The following ASS1 variants were observed in gnomAD, a reference collection of about 807,000 sequenced individuals.
ASS1 encodes argininosuccinate synthase 1.
In ASS1, 58 loss-of-function variants were observed where a neutral mutation model predicts 60.5. That is an observed-to-expected ratio of 0.96 (90% CI 0.78 to 1.19). ASS1 has a LOEUF of 1.19. Among genes scored for constraint, ASS1 ranks in the 50% most tolerant of loss-of-function variants. The pLI, the probability that ASS1 is intolerant of heterozygous loss-of-function variation, is 0.00. For missense variants in ASS1, 454 were observed against 547.3 expected, an observed-to-expected ratio of 0.83 and a Z score of 1.70; for synonymous variants, 200 against 206.9, an observed-to-expected ratio of 0.97 and a Z score of 0.29.
chr9:130,473,052 C>T (rs1026665853), intron 8 of ASS1, among the ~76,000 whole-genome samples: 10 of 152,154 alleles, frequency 6.6e-5, no homozygotes, highest in Admixed American at 2.0e-4. Context: ...GCAGGTCCTG[C>T]GCCCTCCCAG....
At chr9:130,452,869 C>T (rs1029737612) in intron 2 of ASS1, among the ~76,000 whole-genome samples, 1 of 152,232 alleles carries the variant, frequency 6.6e-6, no homozygotes. Flanking sequence ...AGCTCCTCTT[C>T]GACTGAACCT....
chr9:130,467,604 G>A (rs1361830417), intron 6 of ASS1, among the ~76,000 whole-genome samples: 1 of 152,198 alleles, frequency 6.6e-6, no homozygotes, highest in Admixed American at 6.5e-5. Context: ...GACCTGGAGT[G>A]CTGGGAGGGA....
chr9:130,488,563 TC>T lies in ASS1; in HGVS notation c.839-769del, dbSNP rs1169543446. On this transcript the variant is annotated intron_variant, in intron 11 of 14. Coordinates refer to ENST00000352480, the MANE Select transcript of ASS1 (RefSeq NM_054012.4). This position sits in a 1 kb window ranked among gnomAD's most constrained non-coding sequence, Gnocchi z 5.2. ...CAGGCATTTCTGTCTCACTCGGAGA[TC>T]ATCTGTTCCAAGCAGGTTGTTTTCC... Among the ~76,000 whole-genome samples, 1 of 152,180 alleles carries T rather than the reference TC, an allele frequency of 6.6e-6. No homozygotes were observed. Among genetic ancestry groups the T allele is most frequent in the Non-Finnish European group, 1.5e-5 (1 of 68,026 alleles).
At chr9:130,458,091 G>A (rs540950282) in intron 3 of ASS1, among the ~76,000 whole-genome samples, 3 of 151,848 alleles carry the variant, frequency 2.0e-5, no homozygotes, top group East Asian at 1.9e-4. Flanking sequence ...CCTGGGAGAC[G>A]GAGGTTGCAG....
chr9:130,490,534 G>C (rs577893902), intron 12 of ASS1, among the ~76,000 whole-genome samples: 107 of 152,088 alleles, frequency 7.0e-4, no homozygotes, highest in African/African-American at 2.5e-3. Flanking sequence ...GGCTGGTCTC[G>C]AACTCCTGAT....
At chr9:130,456,683 C>T (rs565061717) in intron 3 of ASS1, among the ~76,000 whole-genome samples, 40 of 152,230 alleles carry the variant, frequency 2.6e-4, no homozygotes, top group African/African-American at 9.4e-4. Flanking sequence ...GGTGCGGTGG[C>T]TCACGCTTGT....
At chr9:130,472,323 A>G (rs984981279) in intron 8 of ASS1, among the ~76,000 whole-genome samples, 5 of 152,092 alleles carry the variant, frequency 3.3e-5, no homozygotes, top group African/African-American at 1.2e-4. Context: ...GGGGAGCGCC[A>G]GAGCCCCGCC....
At chr9:130,473,198 T>G (rs925308944) in intron 8 of ASS1, among the ~76,000 whole-genome samples, 1 of 152,196 alleles carries the variant, frequency 6.6e-6, no homozygotes, top group African/African-American at 2.4e-5. Context: ...TTCTTCTTAT[T>G]GCTGTGCAAC....
chr9:130,449,105 C>T lies in ASS1; in HGVS notation c.-5-3119C>T, dbSNP rs1460828168. 7.9e-5 allele frequency among the ~76,000 whole-genome samples: 12 copies of T among 152,072 alleles called. 1 individual carries two copies. On this transcript the variant is annotated intron_variant, in intron 1 of 14. Transcript: ENST00000352480. ...CAGCACTTTGAGAGGCTGAGGCAGG[C>T]AGATCGCTTAAGTCCAGGAGTTCGA...
In ASS1 at chr9:130,471,626, G is replaced by A. The variant is rs1466493179; in HGVS notation, c.597+111G>A. On this transcript the variant is annotated intron_variant, in intron 8 of 14. Coordinates refer to ENST00000352480, the MANE Select transcript of ASS1 (RefSeq NM_054012.4). ...CTAATTTGAAATTTCACGGGGGCCA[G>A]CCGTGGGGCTGGGGCCGAGCCCTGC... 6 of 1,368,758 alleles carry A rather than the reference G, an allele frequency of 4.4e-6. No individual in the cohort carries two copies. The South Asian group carries it at 6.0e-5, about 14-fold the overall frequency. The allele number at this position is 1,368,758 out of a possible 1,614,324, so 84.8% of individuals were successfully genotyped here. A position where few individuals can be genotyped will look rare whatever the true frequency, so the allele number is the denominator to read the frequency against.
At chr9:130,452,170 C>A in intron 1 of ASS1, 54 bp from the exon 2 acceptor site, 2 of 1,488,254 alleles carry the variant, frequency 1.3e-6, no homozygotes, top group East Asian at 2.3e-5. Flanking sequence ...CAGGGGCTGG[C>A]GGGGGGCACT....
In ASS1 at chr9:130,463,302, C is replaced by T. The variant is rs558906602; in HGVS notation, c.364-809C>T. Among the ~76,000 whole-genome samples the T allele has an allele frequency of 9.8e-5, 15 of 152,350 alleles. No individual in the cohort carries two copies. The South Asian group carries it at 1.7e-3, about 17-fold the overall frequency. ...CTCTCTGGGGACAGAGCTGGGCTGG[C>T]GGATGCCTGCGCTGACCCCGGCCTC... On this transcript the variant is annotated intron_variant, in intron 4 of 14. Coordinates refer to ENST00000352480, the MANE Select transcript of ASS1 (RefSeq NM_054012.4).
intron 8 of ASS1, among the ~76,000 whole-genome samples, chr9:130,473,376 A>C (rs1362826473): frequency 6.6e-6 from 1 of 152,138 alleles, no homozygotes; most frequent in Non-Finnish European, 1.5e-5. Flanking sequence ...GGAAGGGTCC[A>C]AGGTCCTCTC....
At position 130,465,034 on chromosome 9, in the gene ASS1, T is replaced by TTA. The variant is rs200387339; in HGVS notation, c.420+889_420+890dup. Among the ~76,000 whole-genome samples the TTA allele has an allele frequency of 3.3e-3, 462 of 139,230 alleles. 3 individuals carry two copies. The highest frequency in any genetic ancestry group is 5.0e-3 in the Non-Finnish European group (327 of 65,108). The allele number at this position is 139,230 out of a possible 152,430, so 91.3% of individuals were successfully genotyped here. The stretch of plus-strand genomic sequence containing the variant: ...TGTATTACATATAAATACATATGTT[T>TTA]TATATATATATATATATATATATTT... On this transcript the variant is annotated intron_variant, in intron 5 of 14. Coordinates refer to ENST00000352480, the MANE Select transcript of ASS1 (RefSeq NM_054012.4).
chr9:130,495,176 T>C (rs1165298974), intron 13 of ASS1, among the ~76,000 whole-genome samples, 153 bp downstream of exon 13: 1 of 152,134 alleles, frequency 6.6e-6, no homozygotes, highest in Non-Finnish European at 1.5e-5. Flanking sequence ...TATGCTCCCG[T>C]GGAACTTACA....
chr9:130,479,810 T>C lies in ASS1; in HGVS notation c.773+10T>C. The C allele has an allele frequency of 6.2e-7, 1 of 1,612,926 alleles. No individual in the cohort carries two copies. Among genetic ancestry groups the C allele is most frequent in the Non-Finnish European group, 8.5e-7 (1 of 1,178,840 alleles). On this transcript the variant is annotated intron_variant, in intron 10 of 14. Coordinates refer to ENST00000352480, the MANE Select transcript of ASS1 (RefSeq NM_054012.4). ...ACCTGAACGAAGTCGCGTGAGTGTC[T>C]GCAGCCCTGTCCGGCCTCTTGGGAA...
Position 130,489,209 on chromosome 9 carries a change from G to C in ASS1, c.839-124G>C, listed in dbSNP as rs985790178. ...AAGCTGGGAGTGAATGGGTCCGGCC[G>C]GCTTGTCTCCTGTCAGACGACTCAT... On this transcript the variant is annotated intron_variant, in intron 11 of 14. Transcript: ENST00000352480. The surrounding 1 kb of genome is among the most constrained non-coding windows in gnomAD (Gnocchi z 4.1). 1 of 1,376,458 alleles carries C rather than the reference G, an allele frequency of 7.3e-7. No individual in the cohort carries two copies. The allele number at this position is 1,376,458 out of a possible 1,614,324, so 85.3% of individuals were successfully genotyped here. A position where few individuals can be genotyped will look rare whatever the true frequency, so the allele number is the denominator to read the frequency against.
chr9:130,497,125 C>T (rs1846625402), intron 13 of ASS1, among the ~76,000 whole-genome samples: 1 of 152,194 alleles, frequency 6.6e-6, no homozygotes, highest in Admixed American at 6.5e-5. Flanking sequence ...TCTTTCTTCC[C>T]TCCCCCTCCA....
intron 14 of ASS1, among the ~76,000 whole-genome samples, chr9:130,500,337 G>A (rs542906208): frequency 7.9e-5 from 12 of 152,202 alleles, no homozygotes; most frequent in Non-Finnish European, 1.5e-4. Flanking sequence ...AACAGGCTGA[G>A]TGGTTAAGTA....
Sources: allele counts gnomAD v4.1 joint callset (sites outside exome capture counted in the v4.1 genomes callset), GRCh38; gene constraint gnomAD v4.1.1; non-coding constraint Gnocchi (gnomAD v3.1); transcripts MANE v1.5; gene names NCBI Gene and HGNC (gene_info 2026-07-23, HGNC 2026-07-21).